The following MRPL50 variants were observed in gnomAD, a reference collection of about 807,000 sequenced individuals.
The protein encoded by MRPL50 is large ribosomal subunit protein mL50.
A neutral mutation model predicts 16.2 loss-of-function variants in MRPL50; 10 were observed. The ratio of observed to expected loss-of-function variants is 0.62; its 90% confidence interval spans 0.38 to 1.05. MRPL50 has a LOEUF of 1.05. MRPL50 is among the 50% of genes least tolerant of loss of function. The pLI is 0.01. For synonymous variants in MRPL50, 68 were observed against 66.8 expected (o/e 1.02, Z -0.09); for missense variants, 213 against 187.1 (o/e 1.14, Z -0.81).
At chr9:101,391,930 A>C (rs1830279066) in intron 1 of MRPL50, among the ~76,000 whole-genome samples, 1 of 152,094 alleles carries the variant, frequency 6.6e-6, no homozygotes, top group African/African-American at 2.4e-5. Context: ...AGAACACAAA[A>C]CAAGTTTTAA....
In MRPL50 at chr9:101,398,588, G is replaced by A. The variant is rs150561906; in HGVS notation, c.5C>T (p.Ala2Val). ...GGTAATGCCCGACACAGATCGCGCC[G>A]CCATCTTCGATGAGATCCACGGGCC... M[A>V]ARSVSGITRR... Residue 2 changes from alanine to valine, a missense_variant, in exon 1 of 2, where the codon GCG becomes GTG. By Grantham distance (64) the Ala-to-Val change is moderately conservative. Coordinates refer to ENST00000374865, the MANE Select transcript of MRPL50 (RefSeq NM_019051.3). The A allele has an allele frequency of 5.4e-4, 868 of 1,613,458 alleles. No homozygotes were observed. Among genetic ancestry groups the A allele is most frequent in the Non-Finnish European group, 6.8e-4 (797 of 1,179,994 alleles).
At position 101,389,643 on chromosome 9, in the gene MRPL50, C is replaced by G. The variant is rs770763314; in HGVS notation, c.*823G>C. ...TGAAAAAAAAATCCCAAATTTAACA[C>G]CTTTGTCATTCAGAACCATCTGATA... is the stretch of plus-strand genomic sequence containing the variant. On this transcript the variant is annotated 3_prime_UTR_variant, in exon 2 of 2. Transcript: ENST00000374865. The G allele has an allele frequency of 2.8e-6, 1 of 360,280 alleles. No homozygotes were observed. Among genetic ancestry groups the G allele is most frequent in the Admixed American group, 4.9e-5 (1 of 20,594 alleles). 22.3% of individuals were successfully genotyped at this position (360,280 alleles called of 1,614,324 possible).
chr9:101,390,771 G>A lies in MRPL50; in HGVS notation c.172C>T (p.Arg58Ter), dbSNP rs150313404. ...AGATCTTCAGGTGGTGTGTATGCTCGGCTTCGTAAAGGTGGACACACTAGG... is the reference window on the plus strand; with the variant it reads ...AGATCTTCAGGTGGTGTGTATGCTCAGCTTCGTAAAGGTGGACACACTAGG... ...PILVCPPLRSRAYTPPEDLQS... is the reference protein window; with the variant it reads ...PILVCPPLRS The change falls in exon 2 of 2, where the codon CGA becomes TGA. Residue 58 changes from arginine to a stop codon, truncating the protein, a stop_gained. Coordinates refer to ENST00000374865, the MANE Select transcript of MRPL50 (RefSeq NM_019051.3). LOFTEE classifies it high-confidence loss of function. The A allele has an allele frequency of 1.9e-5, 31 of 1,613,436 alleles. No homozygotes were observed. Among genetic ancestry groups the A allele is most frequent in the Admixed American group, 3.3e-5 (2 of 59,942 alleles).
rs1830326813 is a variant in MRPL50, at chr9:101,395,430, GAAAGTT to G, written c.92+3065_92+3070del. Among the ~76,000 whole-genome samples, 5 of 152,208 alleles carry G rather than the reference GAAAGTT, an allele frequency of 3.3e-5. No individual in the cohort carries two copies. The South Asian group carries it at 1.0e-3, about 32-fold the overall frequency. On this transcript the variant is annotated intron_variant, in intron 1 of 1. Coordinates refer to ENST00000374865, the MANE Select transcript of MRPL50 (RefSeq NM_019051.3). Reference sequence around the variant, plus strand: ...CCCACTGCTGGGTATACATCCAAAAGAAAGTTAATCAGTCTAACAGAGATATCTGTA... The same window carrying G: ...CCCACTGCTGGGTATACATCCAAAAGAATCAGTCTAACAGAGATATCTGTA...
chr9:101,396,552 A>G (rs1262503573), intron 1 of MRPL50, among the ~76,000 whole-genome samples: 4 of 152,228 alleles, frequency 2.6e-5, no homozygotes, highest in South Asian at 4.1e-4. Context: ...TTAAAAAAGG[A>G]TATTTGTAAC....
Position 101,390,437 on chromosome 9 carries a change from G to T in MRPL50, c.*29C>A. 1 of 1,587,426 alleles carries T rather than the reference G, an allele frequency of 6.3e-7. No homozygotes were observed. Among genetic ancestry groups the T allele is most frequent in the Non-Finnish European group, 8.6e-7 (1 of 1,166,552 alleles). On this transcript the variant is annotated 3_prime_UTR_variant, in exon 2 of 2. Transcript: ENST00000374865. ...GCCCCCTTGCTCAGGGAAAGACAGT[G>T]ATTTCAATGTGTTTCTCTTCCGAAT...
intron 1 of MRPL50, among the ~76,000 whole-genome samples, chr9:101,397,057 A>G (rs936296182): frequency 6.6e-6 from 1 of 152,216 alleles, no homozygotes; most frequent in Non-Finnish European, 1.5e-5. Flanking sequence ...ATGTAGAATG[A>G]ATAAGTTCCA....
At position 101,389,379 on chromosome 9, in the gene MRPL50, C is replaced by T; in HGVS notation, c.*1087G>A. 1.0e-6 allele frequency: 1 copy of T among 1,001,724 alleles called. No homozygotes were observed. Among genetic ancestry groups the T allele is most frequent in the Non-Finnish European group, 1.3e-6 (1 of 741,646 alleles). The allele number at this position is 1,001,724 out of a possible 1,614,324, so 62.1% of individuals were successfully genotyped here. A position where few individuals can be genotyped will look rare whatever the true frequency, so the allele number is the denominator to read the frequency against. On this transcript the variant is annotated 3_prime_UTR_variant, in exon 2 of 2. Transcript: ENST00000374865. ...ACACCTGAAGTTCTTGAATGAAGTG[C>T]CTGTGGATGATATTTGTAGGGCATG... is the stretch of plus-strand genomic sequence containing the variant.
In MRPL50 at chr9:101,389,133, G is replaced by T; in HGVS notation, c.*1333C>A. ...ACATATTTACATAACTAAATACATT[G>T]TATTCACAATTGTAAATACTATTTA... On this transcript the variant is annotated 3_prime_UTR_variant, in exon 2 of 2. Transcript: ENST00000374865. The T allele has an allele frequency of 6.5e-6, 1 of 153,948 alleles. No homozygotes were observed. The highest frequency in any genetic ancestry group is 1.4e-5 in the Non-Finnish European group (1 of 69,346). 9.5% of individuals were successfully genotyped at this position (153,948 alleles called of 1,614,324 possible).
intron 1 of MRPL50, 137 bp from the exon 2 acceptor site, chr9:101,390,987 T>C: frequency 1.1e-6 from 1 of 934,582 alleles, no homozygotes; most frequent in Non-Finnish European, 1.6e-6. Flanking sequence ...AAGAATATGG[T>C]AGGCCCCTGC....
chr9:101,392,834 A>G (rs978700326), intron 1 of MRPL50, among the ~76,000 whole-genome samples: 12 of 152,096 alleles, frequency 7.9e-5, no homozygotes, highest in Non-Finnish European at 1.6e-4. Context: ...AAGACAAAAT[A>G]AAAAAGGAAA....
At chr9:101,392,324 G>C (rs1015780754) in intron 1 of MRPL50, among the ~76,000 whole-genome samples, 1 of 151,482 alleles carries the variant, frequency 6.6e-6, no homozygotes, top group Non-Finnish European at 1.5e-5. Flanking sequence ...AAATAAAATA[G>C]ACTAAAAAAG....
chr9:101,397,073 C>T (rs950258267), intron 1 of MRPL50, among the ~76,000 whole-genome samples: 1 of 152,144 alleles, frequency 6.6e-6, no homozygotes, highest in Non-Finnish European at 1.5e-5. Context: ...TTCCAGAGAT[C>T]TAATGTACAC....
In MRPL50 at chr9:101,389,564, GAAC is replaced by G. The variant is rs1830242849; in HGVS notation, c.*899_*901del. On this transcript the variant is annotated 3_prime_UTR_variant, in exon 2 of 2. Coordinates refer to ENST00000374865, the MANE Select transcript of MRPL50 (RefSeq NM_019051.3). ...TTTCTTTAGGAATTGTCAGCAGTCAGAACAATATAAGACATTCCTTCTGTCTCA... is the reference window on the plus strand; with the variant it reads ...TTTCTTTAGGAATTGTCAGCAGTCAGAATATAAGACATTCCTTCTGTCTCA... The G allele has an allele frequency of 2.1e-6, 2 of 956,548 alleles. No homozygotes were observed. Among genetic ancestry groups the G allele is most frequent in the Middle Eastern group, 2.6e-4 (1 of 3,840 alleles). The allele number at this position is 956,548 out of a possible 1,614,324, so 59.3% of individuals were successfully genotyped here.
At chr9:101,390,902 C>G (rs372001343) in intron 1 of MRPL50, 52 bp from the exon 2 acceptor site, 21 of 1,526,666 alleles carry the variant, frequency 1.4e-5, no homozygotes, top group Non-Finnish European at 1.8e-5. Flanking sequence ...TTGACAAACA[C>G]CAGACCAAAT....
intron 1 of MRPL50, among the ~76,000 whole-genome samples, chr9:101,397,656 T>G (rs1830375386): frequency 6.6e-6 from 1 of 152,148 alleles, no homozygotes; most frequent in Non-Finnish European, 1.5e-5. Context: ...TGGAAGAGAT[T>G]TGAGAGATAA....
intron 1 of MRPL50, among the ~76,000 whole-genome samples, chr9:101,392,176 G>C (rs1262372059): frequency 6.6e-6 from 1 of 151,740 alleles, no homozygotes; most frequent in Non-Finnish European, 1.5e-5. Context: ...AGTAGTAAGA[G>C]GGAAGCTTAT....
chr9:101,398,277 G>C (rs183963909), intron 1 of MRPL50, among the ~76,000 whole-genome samples: 2 of 152,276 alleles, frequency 1.3e-5, no homozygotes, highest in Admixed American at 6.5e-5. Flanking sequence ...AAAGGAAAGG[G>C]GGTGGTATTT....
chr9:101,398,522 C>G lies in MRPL50; in HGVS notation c.71G>C (p.Arg24Thr). ...TTACCTGAATCGAGACCAAAATTCT[C>G]TACATGGTGTCCCTGAGACTGTCCA... ...FMWTVSGTPC[R>T]EFWSRFRKEK... The change falls in exon 1 of 2, where the codon AGA becomes ACA. Residue 24 changes from arginine to threonine, a missense_variant. Physicochemically the swap from Arg to Thr is moderately conservative, Grantham distance 71. Coordinates refer to ENST00000374865, the MANE Select transcript of MRPL50 (RefSeq NM_019051.3). 1.2e-6 allele frequency: 2 copies of G among 1,614,138 alleles called. No individual in the cohort carries two copies. Among genetic ancestry groups the G allele is most frequent in the East Asian group, 4.5e-5 (2 of 44,878 alleles).
Sources: allele counts gnomAD v4.1 joint callset (sites outside exome capture counted in the v4.1 genomes callset), GRCh38; gene constraint gnomAD v4.1.1; transcripts MANE v1.5; gene names NCBI Gene and HGNC (gene_info 2026-07-23, HGNC 2026-07-21).